RTN1: variants seen among roughly 807,000 people sequenced by gnomAD.
RTN1 encodes the protein reticulon-1.
Under a neutral mutation model 65.5 loss-of-function variants are expected in RTN1, and 25 were observed. That is an observed-to-expected ratio of 0.38 (90% CI 0.28 to 0.53). The LOEUF (loss-of-function observed/expected upper bound fraction) is 0.53. Ranked by LOEUF, RTN1 falls within the 20% of genes least tolerant of loss-of-function variation. The pLI, the probability that RTN1 is intolerant of heterozygous loss-of-function variation, is 0.79. For missense variants in RTN1, 983 were observed against 1,025.4 expected (o/e 0.96, Z 0.57); for synonymous variants, 471 against 447.6 (o/e 1.05, Z -0.66).
rs1382225371 is a variant in RTN1 at position 59,727,024 on chromosome 14, G to C, written c.1660C>G (p.Pro554Ala). The stretch of plus-strand genomic sequence containing the variant: ...TGGTTGGAACTCGAGTCTTCTTCAG[G>C]CTTCCGTGGCAACATGGGCGTCTCA... ...EPETPMLPRK[P>A]EEDSSSNQSP... The change falls in exon 3 of 9, where the codon CCT becomes GCT. Residue 554 changes from proline (P) to alanine (A), a missense_variant. Coordinates refer to ENST00000267484, the MANE Select transcript of RTN1 (RefSeq NM_021136.3). This position sits in a 1 kb window ranked among gnomAD's most constrained non-coding sequence, Gnocchi z 4.2. 2 of 1,613,542 alleles carry C rather than the reference G, an allele frequency of 1.2e-6. No homozygotes were observed. The highest frequency in any genetic ancestry group is 4.5e-5 in the East Asian group (2 of 44,832).
intron 3 of RTN1, among the ~76,000 whole-genome samples, chr14:59,674,806 T>C (rs903640591): frequency 1.3e-5 from 2 of 152,096 alleles, no homozygotes; most frequent in African/African-American, 2.4e-5. Flanking sequence ...TTAATAAGTA[T>C]CTCAAAATTG....
At chr14:59,758,081 T>C (rs1343233977) in intron 1 of RTN1, among the ~76,000 whole-genome samples, 1 of 152,134 alleles carries the variant, frequency 6.6e-6, no homozygotes, top group Non-Finnish European at 1.5e-5. Context: ...CCGATCCTTT[T>C]ACTGTCTACA....
chr14:59,732,044 G>T (rs1431763887), intron 2 of RTN1, among the ~76,000 whole-genome samples: 49 of 152,174 alleles, frequency 3.2e-4, no homozygotes, highest in Admixed American at 3.1e-3. Flanking sequence ...ACTTAGAGGA[G>T]GTCATTGAGG....
At chr14:59,600,488 T>A (rs1881545690) in intron 8 of RTN1, among the ~76,000 whole-genome samples, 1 of 152,202 alleles carries the variant, frequency 6.6e-6, no homozygotes, top group African/African-American at 2.4e-5. Flanking sequence ...ATTCTAACAA[T>A]CATGTTCTTA....
At chr14:59,663,595 C>T (rs915706229) in intron 3 of RTN1, among the ~76,000 whole-genome samples, 5 of 151,592 alleles carry the variant, frequency 3.3e-5, no homozygotes, top group Admixed American at 1.3e-4. Flanking sequence ...TCATAAAGGG[C>T]TAATATCCAG....
chr14:59,750,995 G>A (rs1029612526), intron 1 of RTN1, among the ~76,000 whole-genome samples: 4 of 111,670 alleles, frequency 3.6e-5, no homozygotes, highest in Admixed American at 9.4e-5. Context: ...TGGGATTACC[G>A]GCATTGAGTC....
At chr14:59,631,688 T>C (rs1882558150) in intron 3 of RTN1, among the ~76,000 whole-genome samples, 1 of 151,844 alleles carries the variant, frequency 6.6e-6, no homozygotes, top group African/African-American at 2.4e-5. Flanking sequence ...GAAGAAAAGG[T>C]AGAAATAGGA....
At chr14:59,722,312 A>G (rs1355720759) in intron 3 of RTN1, among the ~76,000 whole-genome samples, 1 of 152,202 alleles carries the variant, frequency 6.6e-6, no homozygotes, top group Non-Finnish European at 1.5e-5. Context: ...GGAGTTTAGA[A>G]AAGAGGATTT....
At chr14:59,748,897 C>T (rs1333996532) in intron 1 of RTN1, among the ~76,000 whole-genome samples, 1 of 151,834 alleles carries the variant, frequency 6.6e-6, no homozygotes, top group Non-Finnish European at 1.5e-5. Context: ...TCAAGCAATT[C>T]TCTTGCCTCA....
intron 1 of RTN1, among the ~76,000 whole-genome samples, chr14:59,850,379 G>A (rs184712234): frequency 6.6e-6 from 1 of 152,356 alleles, no homozygotes; most frequent in East Asian, 1.9e-4. Flanking sequence ...ATAATAAAGT[G>A]TGGAAGACCT....
intron 1 of RTN1, among the ~76,000 whole-genome samples, chr14:59,864,805 G>A (rs2139679235): frequency 6.6e-6 from 1 of 152,272 alleles, no homozygotes; most frequent in East Asian, 1.9e-4. Flanking sequence ...TTAATACCAT[G>A]TGTATGTATT....
At chr14:59,786,916 C>A (rs1174957503) in intron 1 of RTN1, among the ~76,000 whole-genome samples, 1 of 152,066 alleles carries the variant, frequency 6.6e-6, no homozygotes, top group Non-Finnish European at 1.5e-5. Flanking sequence ...AAAAATACAC[C>A]TTTGAAGTAC....
intron 6 of RTN1, 46 bp downstream of exon 6, chr14:59,603,806 C>A: frequency 6.6e-7 from 1 of 1,510,462 alleles, no homozygotes; most frequent in Non-Finnish European, 9.2e-7. Context: ...GCAGCGTTTT[C>A]ACAGAGGGGG....
intron 1 of RTN1, 94 bp from the exon 2 acceptor site, chr14:59,746,575 A>G: frequency 9.2e-7 from 1 of 1,084,800 alleles, no homozygotes; most frequent in Non-Finnish European, 1.3e-6. Flanking sequence ...TGGTGAAGAC[A>G]TGACATCCTT....
intron 1 of RTN1, among the ~76,000 whole-genome samples, chr14:59,767,026 C>A (rs1885862521): frequency 6.6e-6 from 1 of 152,080 alleles, no homozygotes. Context: ...AGGACAGAAC[C>A]AAACAACAAC....
chr14:59,655,130 T>C (rs1883097043), intron 3 of RTN1, among the ~76,000 whole-genome samples: 2 of 152,148 alleles, frequency 1.3e-5, no homozygotes, highest in Admixed American at 1.3e-4. Flanking sequence ...AAAGTTAATA[T>C]ACAATACTCA....
At chr14:59,666,245 C>T (rs1355488748) in intron 3 of RTN1, among the ~76,000 whole-genome samples, 3 of 152,182 alleles carry the variant, frequency 2.0e-5, no homozygotes, top group Non-Finnish European at 4.4e-5. Flanking sequence ...AACTGTCTCT[C>T]AGACCAGAGT....
At chr14:59,636,342 C>G (rs1882664530) in intron 3 of RTN1, among the ~76,000 whole-genome samples, 1 of 152,008 alleles carries the variant, frequency 6.6e-6, no homozygotes, top group East Asian at 1.9e-4. Flanking sequence ...AGTCTGGGAC[C>G]ACCCCTCTTG....
intron 3 of RTN1, among the ~76,000 whole-genome samples, chr14:59,685,337 G>T (rs1883825035): frequency 6.6e-6 from 1 of 152,116 alleles, no homozygotes; most frequent in Non-Finnish European, 1.5e-5. Context: ...AAAAGAGGAA[G>T]AAATAAAAGG....
Sources: allele counts gnomAD v4.1 joint callset (sites outside exome capture counted in the v4.1 genomes callset), GRCh38; gene constraint gnomAD v4.1.1; non-coding constraint Gnocchi (gnomAD v3.1); transcripts MANE v1.5; gene names NCBI Gene and HGNC (gene_info 2026-07-23, HGNC 2026-07-21).